KIF1A: variants seen among roughly 807,000 people sequenced by gnomAD.
KIF1A encodes kinesin-like protein KIF1A.
Under a neutral mutation model 227.3 loss-of-function variants are expected in KIF1A, and 46 were observed. The ratio of observed to expected loss-of-function variants is 0.20; its 90% CI spans 0.16 to 0.26. The LOEUF (loss-of-function observed/expected upper bound fraction) is 0.26. Among genes scored for constraint, KIF1A ranks in the 10% least tolerant of loss-of-function variants. KIF1A has a pLI of 1.00. For synonymous variants in KIF1A, 1,022 were observed against 1,012.8 expected, an observed-to-expected ratio of 1.01 and a Z score of -0.17; for missense variants, 1,683 against 2,485.9, an observed-to-expected ratio of 0.68 and a Z score of 6.87.
intron 1 of KIF1A, chr2:240,818,774 C>T (rs2058504010): frequency 6.6e-6 from 1 of 152,488 alleles, no homozygotes; most frequent in South Asian, 2.1e-4. Context: ...CACGGTGTCG[C>T]GCTGTGCGTC....
At chr2:240,732,953 G>A (rs2046913035) in intron 38 of KIF1A, among the ~76,000 whole-genome samples, 1 of 130,576 alleles carries the variant, frequency 7.7e-6, no homozygotes. Flanking sequence ...AAGGGTAAGA[G>A]ATGAGGAATG....
rs533901741 is a variant in KIF1A, at chr2:240,803,153, G to A, written c.-60-5341C>T. On this transcript the variant is annotated intron_variant, in intron 1 of 48. Coordinates refer to ENST00000498729, the MANE Select transcript of KIF1A (RefSeq NM_001244008.2). The stretch of plus-strand genomic sequence containing the variant: ...GCAATACAATTTTTAAAAACCCATG[G>A]GTCAAAGAAGTCATCACACTGGATA... 2.8e-4 allele frequency among the ~76,000 whole-genome samples: 42 copies of A among 152,252 alleles called. 1 individual carries two copies. In the South Asian group the frequency reaches 6.0e-3, roughly 22 times the overall value.
At chr2:240,722,006 T>G (rs1328306242) in intron 43 of KIF1A, 122 bp from the exon 44 acceptor site, 2 of 729,742 alleles carry the variant, frequency 2.7e-6, no homozygotes, top group Non-Finnish European at 4.7e-6. Flanking sequence ...CAGAGCACAG[T>G]GGGTCAAGGT....
At chr2:240,814,909 CCT>C (rs1432794638) in intron 1 of KIF1A, among the ~76,000 whole-genome samples, 3 of 152,076 alleles carry the variant, frequency 2.0e-5, no homozygotes, top group African/African-American at 4.8e-5. Context: ...AGAGTGAGAC[CCT>C]GTCTCTAAAA....
intron 10 of KIF1A, chr2:240,781,876 G>A (rs1209716853): frequency 4.5e-5 from 44 of 985,338 alleles, no homozygotes; most frequent in Non-Finnish European, 5.2e-5. Flanking sequence ...AGCCCCACGT[G>A]TTCTTAGTCT....
intron 1 of KIF1A, among the ~76,000 whole-genome samples, chr2:240,808,497 CA>C (rs11302292): frequency 0.096 from 6,521 of 67,830 alleles, 465 homozygotes; most frequent in African/African-American, 0.21. Context: ...ATTTCTAAAA[CA>C]AAAAAAAAAA....
intron 1 of KIF1A, among the ~76,000 whole-genome samples, chr2:240,804,743 A>T (rs184264286): frequency 3.3e-5 from 5 of 152,298 alleles, no homozygotes; most frequent in Admixed American, 2.0e-4. Flanking sequence ...GTCCTCATAA[A>T]GTTTGGGTTT....
intron 2 of KIF1A, among the ~76,000 whole-genome samples, chr2:240,795,638 C>T (rs891270656): frequency 3.3e-5 from 5 of 152,196 alleles, no homozygotes; most frequent in African/African-American, 9.7e-5. Context: ...TGTACCCTCC[C>T]GTTTCTGGAT....
intron 10 of KIF1A, among the ~76,000 whole-genome samples, chr2:240,780,814 ACACACACACACAGCTC>A (rs2053625766): frequency 2.2e-5 from 2 of 91,368 alleles, no homozygotes; most frequent in African/African-American, 1.3e-4. Flanking sequence ...ACACACACAC[ACACACACACACAGCTC>A]CACACACACA....
chr2:240,717,380 G>A lies in KIF1A; in HGVS notation c.5360C>T (p.Ala1787Val). Reference protein sequence around the residue: ...IRSKLSRRRSAQMRV With the variant: ...IRSKLSRRRSVQMRV ...GGCTCAGGTTCAGACCCGCATCTGG[G>A]CAGACCTCCTTCTGGAGAGCTTGGA... Residue 1787 changes from alanine (A) to valine (V), a missense_variant, in exon 49 of 49, where the codon GCC becomes GTC. Transcript: ENST00000498729. 6.2e-7 allele frequency: 1 copy of A among 1,611,964 alleles called. No homozygotes were observed. Among genetic ancestry groups the A allele is most frequent in the South Asian group, 1.1e-5 (1 of 91,084 alleles).
Position 240,717,329 on chromosome 2 carries a change from G to C in KIF1A, c.*35C>G. On this transcript the variant is annotated 3_prime_UTR_variant, in exon 49 of 49. Coordinates refer to ENST00000498729, the MANE Select transcript of KIF1A (RefSeq NM_001244008.2). ...CAGACGAGGATGAGGGAGGGGATGG[G>C]CTGGGCCTGCCGGCTGTCACGGGAG... 2.5e-6 allele frequency: 4 copies of C among 1,597,236 alleles called. No homozygotes were observed. The East Asian group carries it at 8.9e-5, about 36-fold the overall frequency.
At chr2:240,811,346 C>G (rs1050595473) in intron 1 of KIF1A, among the ~76,000 whole-genome samples, 3 of 152,090 alleles carry the variant, frequency 2.0e-5, no homozygotes, top group Non-Finnish European at 4.4e-5. Context: ...GCCTGGGCTA[C>G]AGCGTGAGAC....
At chr2:240,807,391 C>T (rs568044737) in intron 1 of KIF1A, among the ~76,000 whole-genome samples, 9 of 152,238 alleles carry the variant, frequency 5.9e-5, no homozygotes, top group Admixed American at 2.6e-4. Context: ...GATCTGCCCG[C>T]GCTGGCCTCC....
At position 240,793,555 on chromosome 2, in the gene KIF1A, G is replaced by T. The variant is rs1244861355; in HGVS notation, c.106+4092C>A. On this transcript the variant is annotated intron_variant, in intron 2 of 48. Transcript: ENST00000498729. This position sits in a 1 kb window ranked among gnomAD's most constrained non-coding sequence, Gnocchi z 4.8. ...GTCCTCAGGGCAGAGAATGTGAGGA[G>T]AGAGGAGGAGGACGGAAGCACTCAC... 1.3e-5 allele frequency among the ~76,000 whole-genome samples: 2 copies of T among 152,162 alleles called. No homozygotes were observed. Among genetic ancestry groups the T allele is most frequent in the Non-Finnish European group, 2.9e-5 (2 of 68,028 alleles).
At chr2:240,781,185 C>A (rs146272310) in intron 10 of KIF1A, among the ~76,000 whole-genome samples, 52 of 1,428 alleles carry the variant, frequency 0.036, 2 homozygotes, top group Non-Finnish European at 0.039. Flanking sequence ...ACACAGCTCC[C>A]CACACACACA....
intron 24 of KIF1A, 70 bp downstream of exon 24, chr2:240,761,159 G>A: frequency 2.0e-6 from 3 of 1,511,754 alleles, no homozygotes; most frequent in Non-Finnish European, 2.7e-6. Flanking sequence ...GTCCCAAGTA[G>A]CTGTCCCCGT....
chr2:240,721,608 C>T (rs1418841876), intron 44 of KIF1A, among the ~76,000 whole-genome samples, 199 bp downstream of exon 44: 2 of 152,232 alleles, frequency 1.3e-5, no homozygotes, highest in African/African-American at 2.4e-5. Context: ...CCCTCACTCA[C>T]ATCCCCACCT....
intron 13 of KIF1A, 150 bp from the exon 14 acceptor site, chr2:240,772,746 AG>A: frequency 1.5e-6 from 1 of 672,240 alleles, no homozygotes; most frequent in Non-Finnish European, 2.6e-6. Context: ...CTTCAGCTCC[AG>A]AACGCGGGGG....
Position 240,716,942 on chromosome 2 carries a change from C to A in KIF1A, c.*422G>T. 1 of 159,866 alleles carries A rather than the reference C, an allele frequency of 6.3e-6. No individual in the cohort carries two copies. 9.9% of individuals were successfully genotyped at this position (159,866 alleles called of 1,614,324 possible). On this transcript the variant is annotated 3_prime_UTR_variant, in exon 49 of 49. Transcript: ENST00000498729. ...GGTTGGGGGTTCCATCTGAATATTA[C>A]AGGGCTATGTGGAGGCATTAGAAAT... is the stretch of plus-strand genomic sequence containing the variant.
Sources: allele counts gnomAD v4.1 joint callset (sites outside exome capture counted in the v4.1 genomes callset), GRCh38; gene constraint gnomAD v4.1.1; non-coding constraint Gnocchi (gnomAD v3.1); transcripts MANE v1.5; gene names NCBI Gene and HGNC (gene_info 2026-07-23, HGNC 2026-07-21).